BTBD9: variants seen among roughly 807,000 people sequenced by gnomAD.
BTBD9 encodes BTB domain containing 9, also known as BTB/POZ domain-containing protein 9.
In BTBD9, 49 loss-of-function variants were observed where a neutral mutation model predicts 64.3. The observed-to-expected ratio is 0.76, with a 90% CI of 0.61 to 0.97. BTBD9 has a LOEUF of 0.97. Among genes scored for constraint, BTBD9 ranks in the 50% least tolerant of loss-of-function variants. The pLI is 0.00. For synonymous variants in BTBD9, 260 were observed against 274.7 expected (o/e 0.95, Z 0.53); for missense variants, 598 against 762.1 (o/e 0.78, Z 2.53).
At chr6:38,249,119 T>C (rs182712312) in intron 9 of BTBD9, among the ~76,000 whole-genome samples, 19 of 152,352 alleles carry the variant, frequency 1.2e-4, no homozygotes, top group African/African-American at 4.3e-4. Context: ...GTCAGACTTC[T>C]GAAAAAACTG....
At chr6:38,402,814 T>C (rs1461500539) in intron 6 of BTBD9, 2 of 700,934 alleles carry the variant, frequency 2.9e-6, no homozygotes, top group South Asian at 3.0e-5. Flanking sequence ...ATGCCTATAA[T>C]ACCTGCACTT....
intron 1 of BTBD9, among the ~76,000 whole-genome samples, chr6:38,611,039 T>C (rs1372710079): frequency 6.6e-6 from 1 of 152,118 alleles, no homozygotes; most frequent in African/African-American, 2.4e-5. Context: ...CACCAAAGCA[T>C]GGTCAGTGAC....
intron 9 of BTBD9, among the ~76,000 whole-genome samples, chr6:38,199,163 C>T (rs899859319): frequency 3.3e-5 from 5 of 152,146 alleles, no homozygotes; most frequent in African/African-American, 9.7e-5. Context: ...ATCTGAACTC[C>T]GGGGACCTAG....
intron 6 of BTBD9, among the ~76,000 whole-genome samples, chr6:38,404,063 G>A (rs527552145): frequency 2.0e-5 from 3 of 152,282 alleles, no homozygotes; most frequent in Admixed American, 6.5e-5. Flanking sequence ...ATTAGTGGTG[G>A]CCAGGGGATG....
chr6:38,261,112 T>A (rs527341871), intron 8 of BTBD9, among the ~76,000 whole-genome samples: 1 of 152,124 alleles, frequency 6.6e-6, no homozygotes, highest in South Asian at 2.1e-4. Flanking sequence ...GCTGATATTT[T>A]TTTTTTTTTA....
chr6:38,222,681 A>G (rs1763253526), intron 9 of BTBD9, among the ~76,000 whole-genome samples: 1 of 152,200 alleles, frequency 6.6e-6, no homozygotes, highest in Non-Finnish European at 1.5e-5. Flanking sequence ...AAAAACAGAA[A>G]TACTCACATT....
At chr6:38,297,320 T>G (rs1762193316) in intron 7 of BTBD9, among the ~76,000 whole-genome samples, 1 of 152,064 alleles carries the variant, frequency 6.6e-6, no homozygotes, top group African/African-American at 2.4e-5. Flanking sequence ...GAGCTGAGAT[T>G]GCGCCATTGC....
At chr6:38,531,687 A>T (rs868094559) in intron 6 of BTBD9, among the ~76,000 whole-genome samples, 2 of 152,354 alleles carry the variant, frequency 1.3e-5, no homozygotes, top group Admixed American at 6.5e-5. Flanking sequence ...AAAAAGTTTT[A>T]AAAAAGCAGG....
intron 6 of BTBD9, among the ~76,000 whole-genome samples, chr6:38,422,722 T>C (rs1353379439): frequency 1.3e-5 from 2 of 152,212 alleles, no homozygotes; most frequent in Non-Finnish European, 2.9e-5. Context: ...GGTCACGATT[T>C]GCCTCCCTAA....
rs73422880 is a variant in BTBD9, at chr6:38,349,492, G to C, written c.1155-4399C>G. Among the ~76,000 whole-genome samples the C allele has an allele frequency of 4.3e-3, 661 of 152,232 alleles. 3 individuals are homozygous for C. The highest frequency in any genetic ancestry group is 0.015 in the African/African-American group (633 of 41,510). The stretch of plus-strand genomic sequence containing the variant: ...ATATTTGGAGACAGTGAGAGGGAGA[G>C]AGACTGCATTCCCATAACTTTTCAC... On this transcript the variant is annotated intron_variant, in intron 6 of 10. Coordinates refer to ENST00000481247, the MANE Select transcript of BTBD9 (RefSeq NM_001099272.2).
rs79545572 is a variant in BTBD9 at position 38,375,955 on chromosome 6, G to A, written c.1155-30862C>T. Among the ~76,000 whole-genome samples, 577 of 143,558 alleles carry A rather than the reference G, an allele frequency of 4.0e-3. 2 individuals carry two copies. The highest frequency in any genetic ancestry group is 0.014 in the African/African-American group (508 of 36,992). The allele number at this position is 143,558 out of a possible 152,430, so 94.2% of individuals were successfully genotyped here. A position where few individuals can be genotyped will look rare whatever the true frequency, so the allele number is the denominator to read the frequency against. ...AGAAAGAAAGAAGGAAAGAAGGAAA[G>A]AAAGAAAGAAAAAACGTGTAGGCAT... On this transcript the variant is annotated intron_variant, in intron 6 of 10. Transcript: ENST00000481247.
At chr6:38,224,985 C>T (rs1387667393) in intron 9 of BTBD9, among the ~76,000 whole-genome samples, 1 of 152,184 alleles carries the variant, frequency 6.6e-6, no homozygotes, top group Non-Finnish European at 1.5e-5. Context: ...AGGTAACTAA[C>T]TTCTGATGGA....
intron 7 of BTBD9, among the ~76,000 whole-genome samples, chr6:38,334,188 A>T (rs540479438): frequency 6.6e-6 from 1 of 152,348 alleles, no homozygotes; most frequent in Admixed American, 6.5e-5. Context: ...TCTAAACAAC[A>T]ATGCATTCAA....
intron 6 of BTBD9, among the ~76,000 whole-genome samples, chr6:38,570,024 G>C (rs76070569): frequency 6.6e-6 from 1 of 152,114 alleles, no homozygotes; most frequent in African/African-American, 2.4e-5. Flanking sequence ...ATCTTATGGA[G>C]AACTAAGGGG....
rs79092854 is a variant in BTBD9 at position 38,463,610 on chromosome 6, T to G, written c.1154+113990A>C. 4.2e-4 allele frequency among the ~76,000 whole-genome samples: 64 copies of G among 152,366 alleles called. 1 individual carries two copies. In the Middle Eastern group the frequency reaches 0.01, roughly 24 times the overall value. ...TGGATTTTACAAAATTCTGCCTTTA[T>G]TAAGAAGATCACATGATGTTTAGTT... On this transcript the variant is annotated intron_variant, in intron 6 of 10. Transcript: ENST00000481247.
intron 7 of BTBD9, among the ~76,000 whole-genome samples, chr6:38,334,646 A>AAAT (rs1316061669): frequency 1.0e-3 from 131 of 125,814 alleles, no homozygotes; most frequent in Admixed American, 6.0e-3. Flanking sequence ...TAAAATAATA[A>AAAT]AATAAAATAA....
At chr6:38,576,719 G>A (rs1043741584) in intron 6 of BTBD9, among the ~76,000 whole-genome samples, 9 of 152,044 alleles carry the variant, frequency 5.9e-5, no homozygotes, top group Non-Finnish European at 1.2e-4. Flanking sequence ...TTCTTCCTGA[G>A]CAAACAAACT....
At chr6:38,302,483 A>ATGTATGTGTGTG (rs1554137006) in intron 7 of BTBD9, among the ~76,000 whole-genome samples, 3 of 78,534 alleles carry the variant, frequency 3.8e-5, no homozygotes, top group African/African-American at 1.6e-4. Flanking sequence ...CATTGTGTGT[A>ATGTATGTGTGTG]TGTATATATA....
intron 9 of BTBD9, among the ~76,000 whole-genome samples, chr6:38,200,498 TAAAC>T (rs1477025155): frequency 6.6e-6 from 1 of 151,890 alleles, no homozygotes; most frequent in Non-Finnish European, 1.5e-5. Flanking sequence ...TTAGAAAAGA[TAAAC>T]AAAATTGATA....
Sources: allele counts gnomAD v4.1 joint callset (sites outside exome capture counted in the v4.1 genomes callset), GRCh38; gene constraint gnomAD v4.1.1; transcripts MANE v1.5; gene names NCBI Gene and HGNC (gene_info 2026-07-23, HGNC 2026-07-21).